C8A: variants seen among roughly 807,000 people sequenced by gnomAD.
C8A encodes the protein complement component C8 alpha chain.
C8A carries 67 observed loss-of-function variants against 65.3 expected under a neutral mutation model. The observed-to-expected ratio is 1.03, with a 90% confidence interval of 0.84 to 1.26. The LOEUF is 1.26. C8A is among the 50% of genes most tolerant of loss of function. The pLI is 0.00. For missense variants in C8A, 781 were observed against 723.9 expected (o/e 1.08, Z -0.90); for synonymous variants, 290 against 259.4 (o/e 1.12, Z -1.13).
chr1:56,893,207 G>T (rs1475934650), intron 7 of C8A, among the ~76,000 whole-genome samples: 1 of 151,960 alleles, frequency 6.6e-6, no homozygotes, highest in African/African-American at 2.4e-5. Flanking sequence ...TACTTTAAAA[G>T]TCTGTTGTGA....
chr1:56,891,110 G>A (rs1644341483), intron 7 of C8A, among the ~76,000 whole-genome samples: 1 of 152,118 alleles, frequency 6.6e-6, no homozygotes, highest in Admixed American at 6.6e-5. Context: ...GGGGGTGAGG[G>A]AAGATATTCA....
At position 56,911,921 on chromosome 1, in the gene C8A, C is replaced by A. The variant is rs1369352208; in HGVS notation, c.1381-482C>A. ...GTGGTGGAGAGGGCAGATGAGTTGG[C>A]ACAAATAACTTCTAAGCCCACTTGG... On this transcript the variant is annotated intron_variant, in intron 9 of 10. Transcript: ENST00000361249. 4.6e-5 allele frequency among the ~76,000 whole-genome samples: 7 copies of A among 152,292 alleles called. No individual in the cohort carries two copies. In the East Asian group the frequency reaches 1.3e-3, roughly 29 times the overall value.
chr1:56,892,444 A>G (rs1412863858), intron 7 of C8A, among the ~76,000 whole-genome samples: 1 of 152,080 alleles, frequency 6.6e-6, no homozygotes, highest in Non-Finnish European at 1.5e-5. Flanking sequence ...AAATATACAA[A>G]GTGAGTTAAA....
intron 8 of C8A, among the ~76,000 whole-genome samples, chr1:56,907,090 G>C (rs1644472255): frequency 6.6e-6 from 1 of 152,194 alleles, no homozygotes; most frequent in Admixed American, 6.5e-5. Context: ...TGGGCTGTTT[G>C]AATGAAGACC....
intron 2 of C8A, among the ~76,000 whole-genome samples, chr1:56,871,334 C>A (rs932840367): frequency 6.6e-6 from 1 of 152,230 alleles, no homozygotes; most frequent in African/African-American, 2.4e-5. Flanking sequence ...GACCGCTCCA[C>A]ACTACTGCCT....
rs1365900543 is a variant in C8A, at chr1:56,883,699, CTG to C, written c.855+22_855+23del. On this transcript the variant is annotated intron_variant, in intron 6 of 10. Coordinates refer to ENST00000361249, the MANE Select transcript of C8A (RefSeq NM_000562.3). Reference sequence around the variant, plus strand: ...ATGAGAAGGTATTCAAACATAATGTCTGTGTCTCACAGTATTCCATAATATAC... The same window carrying C: ...ATGAGAAGGTATTCAAACATAATGTCTGTCTCACAGTATTCCATAATATAC... 3 of 1,593,254 alleles carry C rather than the reference CTG, an allele frequency of 1.9e-6. No homozygotes were observed. The highest frequency in any genetic ancestry group is 1.1e-5 in the South Asian group (1 of 90,686).
intron 5 of C8A, among the ~76,000 whole-genome samples, chr1:56,882,777 T>C (rs1474165110): frequency 6.6e-6 from 1 of 152,140 alleles, no homozygotes; most frequent in Non-Finnish European, 1.5e-5. Flanking sequence ...CTAAGTGCTT[T>C]GGGAACAAAG....
chr1:56,885,824 A>G (rs1397241277), intron 6 of C8A, 103 bp from the exon 7 acceptor site: 1 of 1,507,612 alleles, frequency 6.6e-7, no homozygotes, highest in Non-Finnish European at 9.1e-7. Flanking sequence ...TGCTGGGATT[A>G]CAGGCATGAG....
intron 7 of C8A, among the ~76,000 whole-genome samples, chr1:56,895,833 C>T (rs1644383710): frequency 6.6e-6 from 1 of 152,016 alleles, no homozygotes; most frequent in Non-Finnish European, 1.5e-5. Flanking sequence ...CCTGTAGTCC[C>T]GGCTACTTGG....
intron 3 of C8A, among the ~76,000 whole-genome samples, chr1:56,875,366 T>C (rs1644188283): frequency 6.6e-6 from 1 of 152,182 alleles, no homozygotes; most frequent in South Asian, 2.1e-4. Context: ...ATTGACCACA[T>C]ATTATGTGCC....
At position 56,867,794 on chromosome 1, in the gene C8A, G is replaced by A; in HGVS notation, c.171+92G>A. ...GATTAAGCAGTCCACTATGTCTAGG[G>A]GCCTGGGGAGAAATTGGGTCTAGAA... On this transcript the variant is annotated intron_variant, in intron 2 of 10. Coordinates refer to ENST00000361249, the MANE Select transcript of C8A (RefSeq NM_000562.3). 5.4e-6 allele frequency: 5 copies of A among 917,904 alleles called. 1 individual carries two copies. The highest frequency in any genetic ancestry group is 5.4e-5 in the South Asian group (4 of 73,990). 56.9% of individuals were successfully genotyped at this position (917,904 alleles called of 1,614,324 possible).
At chr1:56,871,211 G>A (rs1035432884) in intron 2 of C8A, among the ~76,000 whole-genome samples, 3 of 152,192 alleles carry the variant, frequency 2.0e-5, no homozygotes, top group Non-Finnish European at 2.9e-5. Context: ...GACTTTCACA[G>A]CCAACTGTAA....
chr1:56,871,086 C>A (rs1557699433), intron 2 of C8A, among the ~76,000 whole-genome samples: 1 of 152,138 alleles, frequency 6.6e-6, no homozygotes, highest in Non-Finnish European at 1.5e-5. Flanking sequence ...TGGCTTGCAC[C>A]ATAATTCCCA....
At chr1:56,891,258 C>T (rs1438893324) in intron 7 of C8A, among the ~76,000 whole-genome samples, 1 of 151,948 alleles carries the variant, frequency 6.6e-6, no homozygotes, top group Non-Finnish European at 1.5e-5. Context: ...AAGGCCCTGT[C>T]TGAGGAAAGA....
chr1:56,876,664 C>G (rs1024009889), intron 4 of C8A, among the ~76,000 whole-genome samples: 10 of 152,092 alleles, frequency 6.6e-5, no homozygotes, highest in Admixed American at 2.0e-4. Context: ...CAGGGTGAGA[C>G]AGAGAGGGGC....
At chr1:56,900,563 T>C (rs189047695) in intron 7 of C8A, among the ~76,000 whole-genome samples, 11 of 152,274 alleles carry the variant, frequency 7.2e-5, no homozygotes, top group Admixed American at 6.5e-4. Flanking sequence ...GCCTGTAAGA[T>C]GGGTAAATTC....
intron 6 of C8A, among the ~76,000 whole-genome samples, chr1:56,885,439 A>AAATATATATTTACATAAATATATAC (rs1319825623): frequency 8.4e-6 from 1 of 119,470 alleles, no homozygotes; most frequent in African/African-American, 3.7e-5. Context: ...TATATATTTA[A>AAATATATATTTACATAAATATATAC]GTAAATATAT....
intron 8 of C8A, among the ~76,000 whole-genome samples, chr1:56,907,236 G>A (rs562107742): frequency 6.6e-6 from 1 of 152,124 alleles, no homozygotes; most frequent in East Asian, 1.9e-4. Context: ...AGTCAGTTGG[G>A]GTGTTCATGT....
Position 56,854,814 on chromosome 1 carries a change from C to A in C8A, c.-88C>A. On this transcript the variant is annotated 5_prime_UTR_variant, in exon 1 of 11. Transcript: ENST00000361249. The stretch of plus-strand genomic sequence containing the variant: ...CCAACATCAGATAGATCTTACAGGT[C>A]CCAGCCTGTAGACATCTTTTACTCC... 9.2e-7 allele frequency: 1 copy of A among 1,091,124 alleles called. No homozygotes were observed. The highest frequency in any genetic ancestry group is 2.0e-5 in the Admixed American group (1 of 51,036). 67.6% of individuals were successfully genotyped at this position (1,091,124 alleles called of 1,614,324 possible).
Sources: gnomAD v4.1 joint callset for allele counts (sites outside exome capture counted in the v4.1 genomes callset) on GRCh38, gnomAD v4.1.1 for gene constraint, MANE v1.5 for transcripts, NCBI Gene and HGNC (gene_info 2026-07-23, HGNC 2026-07-21) for gene names.